ABTB3: variants seen among roughly 807,000 people sequenced by gnomAD.
ABTB3 encodes ankyrin repeat and BTB domain containing 3.
the ABTB3 span, among the ~76,000 whole-genome samples, chr12:107,625,370 G>A: frequency 1.2e-4 from 18 of 152,084 alleles, no homozygotes; most frequent in African/African-American, 4.3e-4. Flanking sequence ...TGGTATTATG[G>A]GTGCTCTTTG....
chr12:107,504,380 AAC>A, the ABTB3 span, among the ~76,000 whole-genome samples: 6 of 150,892 alleles, frequency 4.0e-5, no homozygotes, highest in Non-Finnish European at 7.4e-5. Context: ...CATGCCCGTA[AAC>A]ACACACACAC....
the ABTB3 span, among the ~76,000 whole-genome samples, chr12:107,445,685 G>A: frequency 6.6e-6 from 1 of 152,166 alleles, no homozygotes; most frequent in Non-Finnish European, 1.5e-5. Flanking sequence ...TTATTTTACA[G>A]TTCTGGAGGT....
the ABTB3 span, among the ~76,000 whole-genome samples, chr12:107,545,728 C>T: frequency 1.3e-5 from 2 of 152,302 alleles, no homozygotes; most frequent in Middle Eastern, 3.4e-3. Context: ...GTAAAATGCC[C>T]ATGGCCAAAA....
chr12:107,518,940 C>T, the ABTB3 span, among the ~76,000 whole-genome samples: 2,854 of 152,288 alleles, frequency 0.019, 109 homozygotes, highest in African/African-American at 0.066. Flanking sequence ...TGTGTAACAA[C>T]GTGTCTCCTT....
At chr12:107,452,327 C>T in the ABTB3 span, among the ~76,000 whole-genome samples, 4 of 151,628 alleles carry the variant, frequency 2.6e-5, no homozygotes, top group Admixed American at 6.6e-5. Flanking sequence ...CCTGCCTCAG[C>T]GTCCTGAGTA....
At chr12:107,612,200 T>C in the ABTB3 span, among the ~76,000 whole-genome samples, 2 of 152,226 alleles carry the variant, frequency 1.3e-5, no homozygotes. Flanking sequence ...GCTTCGTTTA[T>C]AGAAGCAAGA....
At chr12:107,597,813 T>C in the ABTB3 span, among the ~76,000 whole-genome samples, 2 of 152,306 alleles carry the variant, frequency 1.3e-5, no homozygotes, top group Non-Finnish European at 2.9e-5. Flanking sequence ...CCAAGTCCCT[T>C]TCATCTTGTT....
the ABTB3 span, among the ~76,000 whole-genome samples, chr12:107,606,523 C>T: frequency 2.0e-5 from 3 of 152,106 alleles, no homozygotes; most frequent in Non-Finnish European, 2.9e-5. Context: ...CCCAGCATAC[C>T]GTAGGTGCCC....
the ABTB3 span, among the ~76,000 whole-genome samples, chr12:107,452,900 A>C: frequency 6.6e-6 from 1 of 152,314 alleles, no homozygotes; most frequent in Admixed American, 6.5e-5. Flanking sequence ...TCACTAAAAC[A>C]ATTACAAGTT....
chr12:107,457,571 T>A, the ABTB3 span, among the ~76,000 whole-genome samples: 1 of 152,150 alleles, frequency 6.6e-6, no homozygotes, highest in African/African-American at 2.4e-5. Context: ...CAGTGTTCAA[T>A]CTTGTTAGAG....
At chr12:107,381,291 G>T in the ABTB3 span, among the ~76,000 whole-genome samples, 1 of 152,212 alleles carries the variant, frequency 6.6e-6, no homozygotes, top group South Asian at 2.1e-4. Flanking sequence ...CTAAATACTT[G>T]CTGAAACAAA....
chr12:107,655,974 G>A, the ABTB3 span, among the ~76,000 whole-genome samples: 1 of 152,106 alleles, frequency 6.6e-6, no homozygotes, highest in Non-Finnish European at 1.5e-5. Context: ...CCTAGGAGCT[G>A]TATTCATCAG....
chr12:107,533,868 T>A, the ABTB3 span, among the ~76,000 whole-genome samples: 192 of 152,360 alleles, frequency 1.3e-3, 2 homozygotes, highest in South Asian at 0.036. Flanking sequence ...TTAGACCATA[T>A]GTTAGGTCAC....
chr12:107,485,980 C>A, the ABTB3 span, among the ~76,000 whole-genome samples: 2 of 152,178 alleles, frequency 1.3e-5, no homozygotes, highest in Non-Finnish European at 2.9e-5. Flanking sequence ...GTTAGGAGAG[C>A]TGTACAGATA....
chr12:107,433,296 C>CAA, the ABTB3 span, among the ~76,000 whole-genome samples: 63 of 23,114 alleles, frequency 2.7e-3, 11 homozygotes, highest in East Asian at 0.033. Flanking sequence ...GACTCCGTCT[C>CAA]AAAAAAAAAA....
the ABTB3 span, among the ~76,000 whole-genome samples, chr12:107,358,462 T>C: frequency 6.6e-6 from 1 of 152,068 alleles, no homozygotes; most frequent in African/African-American, 2.4e-5. Flanking sequence ...GAGGGGAAAG[T>C]GGAGGATATA....
chr12:107,353,291 G>A, the ABTB3 span, among the ~76,000 whole-genome samples: 2 of 152,276 alleles, frequency 1.3e-5, no homozygotes, highest in African/African-American at 2.4e-5. Flanking sequence ...GACACCATGT[G>A]AGCCGTCAAG....
chr12:107,510,125 G>T, the ABTB3 span, among the ~76,000 whole-genome samples: 562 of 152,296 alleles, frequency 3.7e-3, 1 homozygote, highest in Middle Eastern at 6.8e-3. Context: ...AACCCGGCCA[G>T]GTCCGTCCGA....
At chr12:107,588,266 A>C in the ABTB3 span, among the ~76,000 whole-genome samples, 1 of 152,208 alleles carries the variant, frequency 6.6e-6, no homozygotes, top group Non-Finnish European at 1.5e-5. Flanking sequence ...GTCAGGACTT[A>C]ACATATCTTT....
Sources: gnomAD v4.1 joint callset for allele counts (sites outside exome capture counted in the v4.1 genomes callset) on GRCh38, gnomAD v4.1.1 for gene constraint, MANE v1.5 for transcripts, NCBI Gene and HGNC (gene_info 2026-07-23, HGNC 2026-07-21) for gene names.